NRXN1: variants seen among roughly 807,000 people sequenced by gnomAD.
NRXN1 encodes the protein neurexin-1.
Under a neutral mutation model 150.9 loss-of-function variants are expected in NRXN1, and 39 were observed. The ratio of observed to expected loss-of-function variants is 0.26; its 90% confidence interval spans 0.20 to 0.34. NRXN1 has a LOEUF of 0.34. Ranked by LOEUF, NRXN1 falls within the 10% of genes least tolerant of loss-of-function variation. NRXN1 has a pLI of 1.00. For synonymous variants in NRXN1, 924 were observed against 757.0 expected (o/e 1.22, Z -3.62); for missense variants, 1,815 against 1,949.9 (o/e 0.93, Z 1.30).
chr2:50,489,257 C>T (rs2091087502), intron 15 of NRXN1, among the ~76,000 whole-genome samples: 1 of 152,176 alleles, frequency 6.6e-6, no homozygotes. Context: ...GAGAAGAAAC[C>T]AGCCCCAGGG....
intron 8 of NRXN1, among the ~76,000 whole-genome samples, chr2:50,588,054 C>A (rs1673463477): frequency 6.6e-6 from 1 of 152,144 alleles, no homozygotes; most frequent in Admixed American, 6.6e-5. Context: ...TGCTTGCTAG[C>A]AAACTGACTG....
intron 5 of NRXN1, chr2:50,917,284 A>C (rs535321816): frequency 1.1e-4 from 16 of 151,760 alleles, no homozygotes; most frequent in South Asian, 2.1e-4. Flanking sequence ...ACAATTTAAG[A>C]ATTTATACAG....
intron 9 of NRXN1, among the ~76,000 whole-genome samples, chr2:50,540,710 T>G (rs2093369552): frequency 6.6e-6 from 1 of 152,076 alleles, no homozygotes; most frequent in Non-Finnish European, 1.5e-5. Flanking sequence ...TCACACAAGC[T>G]GGAGTGCAGT....
intron 5 of NRXN1, among the ~76,000 whole-genome samples, chr2:50,707,734 C>T (rs1694635127): frequency 6.6e-6 from 1 of 152,102 alleles, no homozygotes; most frequent in South Asian, 2.1e-4. Flanking sequence ...CAGCAACAAA[C>T]TCTGGGTACT....
chr2:50,075,781 G>A (rs371062098), intron 19 of NRXN1, among the ~76,000 whole-genome samples: 4 of 121,806 alleles, frequency 3.3e-5, no homozygotes, highest in African/African-American at 1.1e-4. Flanking sequence ...CAATCCCAAC[G>A]TGCTTGGTGA....
At chr2:50,164,056 CCA>C (rs2059532272) in intron 18 of NRXN1, among the ~76,000 whole-genome samples, 2 of 152,138 alleles carry the variant, frequency 1.3e-5, no homozygotes, top group Non-Finnish European at 2.9e-5. Flanking sequence ...TTACATCAGA[CCA>C]ATTTCACATT....
At chr2:50,839,203 C>T (rs1397999669) in intron 5 of NRXN1, among the ~76,000 whole-genome samples, 2 of 152,076 alleles carry the variant, frequency 1.3e-5, no homozygotes, top group Non-Finnish European at 2.9e-5. Flanking sequence ...AGTAGCCATG[C>T]TCCAATTTCT....
At chr2:50,072,990 A>T (rs537965610) in intron 19 of NRXN1, among the ~76,000 whole-genome samples, 2 of 152,356 alleles carry the variant, frequency 1.3e-5, no homozygotes, top group African/African-American at 4.8e-5. Context: ...TTTACTTAAA[A>T]AAATGCTTAT....
intron 21 of NRXN1, among the ~76,000 whole-genome samples, chr2:50,014,700 C>T (rs961310476): frequency 1.3e-5 from 2 of 152,082 alleles, no homozygotes; most frequent in Non-Finnish European, 2.9e-5. Flanking sequence ...ATAACTTGCC[C>T]AATGTCACAT....
intron 17 of NRXN1, among the ~76,000 whole-genome samples, chr2:50,380,298 G>A (rs552634806): frequency 6.7e-5 from 10 of 150,016 alleles, no homozygotes; most frequent in African/African-American, 1.7e-4. Flanking sequence ...GTGTGTGTGC[G>A]TGTGTGTGTG....
At chr2:50,613,536 A>G (rs1475351756) in intron 8 of NRXN1, among the ~76,000 whole-genome samples, 1 of 152,236 alleles carries the variant, frequency 6.6e-6, no homozygotes, top group East Asian at 1.9e-4. Flanking sequence ...AAAATTGAGC[A>G]TCTGCTGCGT....
chr2:50,186,700 A>G (rs2061096068), intron 18 of NRXN1, among the ~76,000 whole-genome samples: 1 of 152,066 alleles, frequency 6.6e-6, no homozygotes, highest in Admixed American at 6.6e-5. Flanking sequence ...CCGAAAAGAC[A>G]TAGAATGCTT....
chr2:50,237,093 C>A (rs567822001), intron 17 of NRXN1, 123 bp from the exon 18 acceptor site: 1 of 969,766 alleles, frequency 1.0e-6, no homozygotes, highest in East Asian at 2.5e-5. Flanking sequence ...CAAAGTAAAT[C>A]ATAGATTTCA....
intron 5 of NRXN1, chr2:50,829,573 C>A: frequency 6.2e-7 from 1 of 1,612,010 alleles, no homozygotes. Context: ...AACTGAAGGT[C>A]CATGTAGCCA....
intron 5 of NRXN1, among the ~76,000 whole-genome samples, chr2:50,782,783 G>A (rs1704532860): frequency 6.6e-6 from 1 of 152,112 alleles, no homozygotes; most frequent in Admixed American, 6.6e-5. Context: ...CCTAACAGTA[G>A]TGACTCATCC....
At position 50,240,416 on chromosome 2, in the gene NRXN1, C is replaced by A. The variant is rs1019553152; in HGVS notation, c.3365-3446G>T. On this transcript the variant is annotated intron_variant, in intron 17 of 22. Coordinates refer to ENST00000401669, the MANE Select transcript of NRXN1 (RefSeq NM_001330078.2). ...GCTCTCTTCTACATACTTCTATAAG[C>A]ACTCTGGATTTTTTTTAAAAAATTA... 8.6e-5 allele frequency among the ~76,000 whole-genome samples: 13 copies of A among 151,778 alleles called. No individual in the cohort carries two copies. In the South Asian group the frequency reaches 2.5e-3, roughly 29 times the overall value.
At chr2:50,688,427 A>G (rs1343817940) in intron 5 of NRXN1, among the ~76,000 whole-genome samples, 2 of 151,680 alleles carry the variant, frequency 1.3e-5, no homozygotes, top group Non-Finnish European at 2.9e-5. Context: ...TTGCATACTC[A>G]CTCTTTTTAT....
chr2:50,040,762 C>A (rs1052932569), intron 21 of NRXN1, among the ~76,000 whole-genome samples: 7 of 152,046 alleles, frequency 4.6e-5, no homozygotes, highest in Admixed American at 3.9e-4. Flanking sequence ...TAATCTGTTA[C>A]TAGTTTCAGG....
At chr2:50,882,398 G>T (rs766794079) in intron 5 of NRXN1, among the ~76,000 whole-genome samples, 1 of 151,554 alleles carries the variant, frequency 6.6e-6, no homozygotes, top group Non-Finnish European at 1.5e-5. Flanking sequence ...ATTATCTCTC[G>T]TTTAAAATAT....
Sources: gnomAD v4.1 joint callset for allele counts (sites outside exome capture counted in the v4.1 genomes callset) on GRCh38, gnomAD v4.1.1 for gene constraint, MANE v1.5 for transcripts, NCBI Gene and HGNC (gene_info 2026-07-23, HGNC 2026-07-21) for gene names.